ALOX15B: variants seen among roughly 807,000 people sequenced by gnomAD.
The protein encoded by ALOX15B is polyunsaturated fatty acid lipoxygenase ALOX15B.
ALOX15B carries 74 observed loss-of-function variants against 73.8 expected under a neutral mutation model. The observed-to-expected ratio is 1.00, with a 90% confidence interval of 0.83 to 1.22. The LOEUF is 1.22. ALOX15B is among the 50% of genes most tolerant of loss of function. ALOX15B has a pLI of 0.00. For synonymous variants in ALOX15B, 353 were observed against 357.2 expected (o/e 0.99, Z 0.13); for missense variants, 896 against 859.9 (o/e 1.04, Z -0.52).
Position 8,045,284 on chromosome 17 carries a change from A to G in ALOX15B, c.896A>G (p.Gln299Arg), listed in dbSNP as rs1246119436. The change falls in exon 7 of 14, where the codon CAG becomes CGG. Residue 299 changes from glutamine to arginine, a missense_variant. Gln to Arg is a conservative substitution (Grantham distance 43, BLOSUM62 1). Coordinates refer to ENST00000380183, the MANE Select transcript of ALOX15B (RefSeq NM_001141.3). ...LVDHGILSGI[Q>R]TNVINGKPQF... ...GATCACGGCATCCTCTCTGGCATCC[A>G]GACCAATGTCATTAATGGGAAGCCT... 3.1e-6 allele frequency: 5 copies of G among 1,614,170 alleles called. No homozygotes were observed. In the South Asian group the frequency reaches 3.3e-5, roughly 11 times the overall value.
At chr17:8,046,285 T>G (rs925022598) in intron 8 of ALOX15B, among the ~76,000 whole-genome samples, 2 of 152,222 alleles carry the variant, frequency 1.3e-5, no homozygotes, top group African/African-American at 4.8e-5. Flanking sequence ...TTCTGAGGCC[T>G]GGCGCTCAGA....
rs6503070 is a variant in ALOX15B at position 8,044,857 on chromosome 17, C to T, written c.705C>T (p.Asp235=). The change falls in exon 6 of 14, where the codon GAC becomes GAT. Residue 235 remains aspartate, a synonymous_variant. Transcript: ENST00000380183. ...AEHAFEHWQE[D]AFFASQFLNG... is the part of the protein sequence containing the mutation. ...ACGCATTTGAGCACTGGCAGGAGGA[C>T]GCCTTCTTCGCCTCCCAGTTCCTGA... is the stretch of plus-strand genomic sequence containing the variant. 743,268 of 1,612,104 alleles carry T rather than the reference C, an allele frequency of 0.46. 178,393 individuals are homozygous for T. The highest frequency in any genetic ancestry group is 0.81 in the African/African-American group (60,664 of 74,586).
chr17:8,039,424 C>T lies in ALOX15B; in HGVS notation c.186C>T (p.Gly62=). Reference sequence around the variant, plus strand: ...AGGTGACGCTCCCGGAGGACGTAGGCCGAGTGCTGCTGCTGCGCGTGCACA... The same window carrying T: ...AGGTGACGCTCCCGGAGGACGTAGGTCGAGTGCTGCTGCTGCGCGTGCACA... ...DFQVTLPEDV[G]RVLLLRVHKA... Residue 62 remains glycine, a synonymous_variant, in exon 2 of 14, where the codon GGC becomes GGT. Coordinates refer to ENST00000380183, the MANE Select transcript of ALOX15B (RefSeq NM_001141.3). 1 of 1,612,644 alleles carries T rather than the reference C, an allele frequency of 6.2e-7. No individual in the cohort carries two copies. Among genetic ancestry groups the T allele is most frequent in the Non-Finnish European group, 8.5e-7 (1 of 1,179,570 alleles).
In ALOX15B at chr17:8,044,936, C is replaced by G; in HGVS notation, c.784C>G (p.Pro262Ala). The G allele has an allele frequency of 6.2e-7, 1 of 1,614,136 alleles. No individual in the cohort carries two copies. ...RRCHYLPKNFPVTDAMVASVL... is the reference protein window; with the variant it reads ...RRCHYLPKNFAVTDAMVASVL... ...CTGTCACTACCTCCCAAAGAACTTC[C>G]CCGTCACTGATGCCATGGTGGCCTC... Residue 262 changes from proline (P) to alanine (A), a missense_variant, in exon 6 of 14, where the codon CCC becomes GCC. Physicochemically the swap from Pro to Ala is conservative, Grantham distance 27 (BLOSUM62 -1). Transcript: ENST00000380183.
chr17:8,039,804 G>C, intron 2 of ALOX15B, 98 bp from the exon 3 acceptor site: 1 of 1,318,456 alleles, frequency 7.6e-7, no homozygotes, highest in South Asian at 1.3e-5. Flanking sequence ...ATGGGAGGAG[G>C]GGACCTGGTA....
rs778223850 is a variant in ALOX15B, at chr17:8,045,516, T to C, written c.1030T>C (p.Phe344Leu). The part of the protein sequence containing the change: ...SQTPGPNSPI[F>L]LPTDDKWDWL... Reference sequence around the variant, plus strand: ...GACCCCCGGCCCAAACAGCCCCATCTTCCTGCCCACTGATGACAAGTGGGA... The same window carrying C: ...GACCCCCGGCCCAAACAGCCCCATCCTCCTGCCCACTGATGACAAGTGGGA... The change falls in exon 8 of 14, where the codon TTC becomes CTC. Residue 344 changes from phenylalanine to leucine, a missense_variant. Transcript: ENST00000380183. 22 of 1,614,014 alleles carry C rather than the reference T, an allele frequency of 1.4e-5. No homozygotes were observed. Among genetic ancestry groups the C allele is most frequent in the Admixed American group, 3.3e-5 (2 of 59,992 alleles).
intron 11 of ALOX15B, 28 bp from the exon 12 acceptor site, chr17:8,047,536 C>A (rs928602798): frequency 6.3e-7 from 1 of 1,578,502 alleles, no homozygotes; most frequent in Non-Finnish European, 8.6e-7. Flanking sequence ...TCCCTGGAAG[C>A]CCCATCCCAG....
chr17:8,040,907 C>T lies in ALOX15B; in HGVS notation c.449+924C>T, dbSNP rs117778062. ...TTGGAGATAACAGAGGAGTTGGGGC[C>T]GCTAGTGAGGATTCCCTTGGCACAA... is the stretch of plus-strand genomic sequence containing the variant. On this transcript the variant is annotated intron_variant, in intron 3 of 13. Coordinates refer to ENST00000380183, the MANE Select transcript of ALOX15B (RefSeq NM_001141.3). 2.6e-4 allele frequency among the ~76,000 whole-genome samples: 40 copies of T among 151,982 alleles called. 1 individual carries two copies. The South Asian group carries it at 2.7e-3, about 10-fold the overall frequency.
In ALOX15B at chr17:8,045,523, C is replaced by G; in HGVS notation, c.1037C>G (p.Pro346Arg). 1 of 1,614,200 alleles carries G rather than the reference C, an allele frequency of 6.2e-7. No homozygotes were observed. The highest frequency in any genetic ancestry group is 1.3e-5 in the African/African-American group (1 of 75,046). The change falls in exon 8 of 14, where the codon CCC (proline) becomes CGC (arginine). Residue 346 changes from proline to arginine, a missense_variant. Transcript: ENST00000380183. ...GGCCCAAACAGCCCCATCTTCCTGC[C>G]CACTGATGACAAGTGGGACTGGTTG... Reference protein sequence around the residue: ...TPGPNSPIFLPTDDKWDWLLA... With the variant: ...TPGPNSPIFLRTDDKWDWLLA...
Position 8,047,758 on chromosome 17 carries a change from C to T in ALOX15B, c.1694C>T (p.Ala565Val). 6.2e-7 allele frequency: 1 copy of T among 1,614,164 alleles called. No homozygotes were observed. The highest frequency in any genetic ancestry group is 8.5e-7 in the Non-Finnish European group (1 of 1,180,022). ...AVSAGQFDSC[A>V]WMPNLPPSMQ... The stretch of plus-strand genomic sequence containing the variant: ...CTCGGCCTTCAGTTTGACTCCTGTG[C>T]TTGGATGCCCAACCTGCCACCCAGC... The change falls in exon 13 of 14, where the codon GCT becomes GTT. Residue 565 changes from alanine to valine, a missense_variant. Transcript: ENST00000380183.
At position 8,048,981 on chromosome 17, in the gene ALOX15B, C is replaced by A. The variant is rs146369818; in HGVS notation, c.*416C>A. On this transcript the variant is annotated 3_prime_UTR_variant, in exon 14 of 14. Transcript: ENST00000380183. ...CTCAAGGACAGCCACCAAGAAGTGG[C>A]TGCCAAAGAGACTGGGCGCAGTGGC... The A allele has an allele frequency of 1.3e-4, 20 of 157,444 alleles. No homozygotes were observed. Among genetic ancestry groups the A allele is most frequent in the Non-Finnish European group, 2.2e-4 (16 of 71,590 alleles). The allele number at this position is 157,444 out of a possible 1,614,324, so 9.8% of individuals were successfully genotyped here. A position where few individuals can be genotyped will look rare whatever the true frequency, so the allele number is the denominator to read the frequency against.
rs1976393210 is a variant in ALOX15B, at chr17:8,039,990, A to C, written c.449+7A>C. ...CCCGGCAGGAGATGTACCAGTGAGG[A>C]GGGGGTTACTGATGGGGGAGGGTGT... On this transcript the variant is annotated splice_region_variant and intron_variant, in intron 3 of 13. Transcript: ENST00000380183. The C allele has an allele frequency of 6.2e-7, 1 of 1,610,258 alleles. No homozygotes were observed. The highest frequency in any genetic ancestry group is 8.5e-7 in the Non-Finnish European group (1 of 1,178,156).
rs760005308 is a variant in ALOX15B, at chr17:8,039,300, G to T, written c.145G>T (p.Ala49Ser). 6.3e-7 allele frequency: 1 copy of T among 1,585,190 alleles called. No homozygotes were observed. The highest frequency in any genetic ancestry group is 1.7e-5 in the Admixed American group (1 of 57,944). Residue 49 changes from alanine to serine, a missense_variant and splice_region_variant, in exon 1 of 14, where the codon GCT becomes TCT. Coordinates refer to ENST00000380183, the MANE Select transcript of ALOX15B (RefSeq NM_001141.3). ...DNLGKEFTAGAEEDFQVTLPE... is the reference protein window; with the variant it reads ...DNLGKEFTAGSEEDFQVTLPE... ...TCTCGGCAAGGAGTTCACTGCGGGCGCTGTGAGTGCGTGGGAGTGGATGGG... is the reference window on the plus strand; with the variant it reads ...TCTCGGCAAGGAGTTCACTGCGGGCTCTGTGAGTGCGTGGGAGTGGATGGG...
Position 8,048,674 on chromosome 17 carries a change from CT to C in ALOX15B, c.*110del. The C allele has an allele frequency of 7.9e-7, 1 of 1,260,528 alleles. No homozygotes were observed. Among genetic ancestry groups the C allele is most frequent in the Non-Finnish European group, 1.1e-6 (1 of 924,674 alleles). 78.1% of individuals were successfully genotyped at this position (1,260,528 alleles called of 1,614,324 possible). On this transcript the variant is annotated 3_prime_UTR_variant, in exon 14 of 14. Transcript: ENST00000380183. ...AGAAAAAACAGGCCCCCATGTGCCTCTCCTGGGACAACCAGACTCTGTAACT... is the reference window on the plus strand; with the variant it reads ...AGAAAAAACAGGCCCCCATGTGCCTCCCTGGGACAACCAGACTCTGTAACT...
chr17:8,043,027 CA>C, intron 5 of ALOX15B, 143 bp downstream of exon 5: 1 of 660,794 alleles, frequency 1.5e-6, no homozygotes. Context: ...CCCACAGAGA[CA>C]AAAGAGAATA....
intron 3 of ALOX15B, among the ~76,000 whole-genome samples, chr17:8,040,825 G>A (rs886967760): frequency 6.6e-6 from 1 of 152,192 alleles, no homozygotes; most frequent in Non-Finnish European, 1.5e-5. Flanking sequence ...GGGGTGAGAT[G>A]GGGGCTCTCT....
chr17:8,040,448 G>A (rs957726942), intron 3 of ALOX15B, among the ~76,000 whole-genome samples: 4 of 151,668 alleles, frequency 2.6e-5, no homozygotes, highest in Non-Finnish European at 5.9e-5. Flanking sequence ...GGGAGGCTGA[G>A]GCAGAAGAAT....
Position 8,042,804 on chromosome 17 carries a change from G to T in ALOX15B, c.596G>T (p.Gly199Val). The change falls in exon 5 of 14, where the codon GGG becomes GTG. Residue 199 changes from glycine to valine, a missense_variant. Gly to Val is a moderately radical substitution (Grantham distance 109). Transcript: ENST00000380183. ...AGTTTTGCAGAGATGAAAATCAAGG[G>T]GTTGCTGGACCGCAAGGGGCTCTGG... is the stretch of plus-strand genomic sequence containing the variant. Reference protein sequence around the residue: ...GSAFAEMKIKGLLDRKGLWRS... With the variant: ...GSAFAEMKIKVLLDRKGLWRS... 1 of 1,559,444 alleles carries T rather than the reference G, an allele frequency of 6.4e-7. No homozygotes were observed. The highest frequency in any genetic ancestry group is 1.2e-5 in the South Asian group (1 of 84,542).
chr17:8,044,443 G>T (rs867640869), intron 5 of ALOX15B, among the ~76,000 whole-genome samples: 1 of 149,154 alleles, frequency 6.7e-6, no homozygotes, highest in Non-Finnish European at 1.5e-5. Context: ...AAAAAAAAAG[G>T]AAAGAAAAAG....
Sources: gnomAD v4.1 joint callset for allele counts (sites outside exome capture counted in the v4.1 genomes callset) on GRCh38, gnomAD v4.1.1 for gene constraint, MANE v1.5 for transcripts, NCBI Gene and HGNC (gene_info 2026-07-23, HGNC 2026-07-21) for gene names.